Variants in IFIH1 observed in about 807,000 individuals in gnomAD.
IFIH1 encodes interferon induced with helicase C domain 1.
In IFIH1, 125 loss-of-function variants were observed where a neutral mutation model predicts 107.4. That is an observed-to-expected ratio of 1.16 (90% CI 1.01 to 1.35). The LOEUF (loss-of-function observed/expected upper bound fraction) is 1.35, where lower values mean the gene tolerates loss of function less well. Ranked by LOEUF, IFIH1 falls within the 40% of genes most tolerant of loss-of-function variation. The probability of loss-of-function intolerance (pLI) is 0.00; values close to 1 mark genes in which losing one functional copy is unlikely to be tolerated. For missense variants in IFIH1, 1,333 were observed against 1,213.7 expected, an observed-to-expected ratio of 1.10 and a Z score of -1.46; for synonymous variants, 458 against 413.2, an observed-to-expected ratio of 1.11 and a Z score of -1.31.
chr2:162,284,767 A>G (rs1454306276), intron 5 of IFIH1, among the ~76,000 whole-genome samples: 4 of 152,048 alleles, frequency 2.6e-5, no homozygotes, highest in Non-Finnish European at 2.9e-5. Context: ...TATTATCAAC[A>G]TATATCTCTC....
chr2:162,306,669 T>A, intron 3 of IFIH1, 40 bp downstream of exon 3: 1 of 1,574,070 alleles, frequency 6.4e-7, no homozygotes, highest in South Asian at 1.1e-5. Flanking sequence ...TTTCTGGAAG[T>A]AGTAATTACT....
In IFIH1 at chr2:162,268,140, T is replaced by C; in HGVS notation, c.2754A>G (p.Glu918=). ...GCATTTTCTCAATTACATGGATATC[T>C]TCCCCAGAACAGGCTAGCACACTGC... The part of the protein sequence containing the change: ...KNCSVLACSG[E]DIHVIEKMHH... Residue 918 remains glutamate (E), a synonymous_variant, in exon 14 of 16, where the codon GAA becomes GAG. Coordinates refer to ENST00000649979, the MANE Select transcript of IFIH1 (RefSeq NM_022168.4). The C allele has an allele frequency of 1.9e-6, 3 of 1,611,886 alleles. No homozygotes were observed. In the African/African-American group the frequency reaches 4.0e-5, roughly 21 times the overall value.
chr2:162,313,721 TA>T (rs1180509110), intron 1 of IFIH1, among the ~76,000 whole-genome samples: 1 of 152,182 alleles, frequency 6.6e-6, no homozygotes, highest in Admixed American at 6.5e-5. Flanking sequence ...ACCTGTATGT[TA>T]AAAAAGAATT....
chr2:162,276,823 A>T lies in IFIH1; in HGVS notation c.2168T>A (p.Ile723Asn). The change falls in exon 11 of 16, where the codon ATC becomes AAC. Residue 723 changes from isoleucine (I) to asparagine (N), a missense_variant. Physicochemically the swap from Ile to Asn is moderately radical, Grantham distance 149. Transcript: ENST00000649979. The stretch of plus-strand genomic sequence containing the variant: ...TGCACTCTGTCGTGTTTTTGTAAAG[A>T]TTATTCCTCGTGCTGATTCCTCAGT... Reference protein sequence around the residue: ...TRTEESARGIIFTKTRQSAYA... With the variant: ...TRTEESARGINFTKTRQSAYA... 1 of 1,613,994 alleles carries T rather than the reference A, an allele frequency of 6.2e-7. No individual in the cohort carries two copies. Among genetic ancestry groups the T allele is most frequent in the Non-Finnish European group, 8.5e-7 (1 of 1,179,916 alleles).
chr2:162,291,551 G>A (rs1682997484), intron 4 of IFIH1, among the ~76,000 whole-genome samples: 2 of 151,374 alleles, frequency 1.3e-5, no homozygotes, highest in South Asian at 2.1e-4. Flanking sequence ...TAAAAGTACC[G>A]GTAATCATGT....
chr2:162,314,383 C>T (rs1229190770), intron 1 of IFIH1, among the ~76,000 whole-genome samples: 1 of 48,880 alleles, frequency 2.0e-5, no homozygotes, highest in East Asian at 7.7e-4. Context: ...TCCCTCCCTC[C>T]CTCCCTCCCT....
chr2:162,310,301 A>G (rs530642667), intron 2 of IFIH1: 7 of 166,940 alleles, frequency 4.2e-5, no homozygotes, highest in Admixed American at 1.9e-4. Context: ...TGTTATTACT[A>G]TTATTGAATG....
intron 13 of IFIH1, among the ~76,000 whole-genome samples, chr2:162,269,591 C>T (rs147404839): frequency 5.0e-4 from 76 of 152,290 alleles, no homozygotes; most frequent in East Asian, 3.7e-3. Context: ...CACAACTTCA[C>T]GGTAGAAAAA....
chr2:162,294,940 T>C (rs1027999863), intron 3 of IFIH1, among the ~76,000 whole-genome samples: 1 of 151,934 alleles, frequency 6.6e-6, no homozygotes, highest in African/African-American at 2.4e-5. Context: ...GATATACAAC[T>C]CAAAACTGCA....
At chr2:162,307,410 C>T (rs375188344) in intron 2 of IFIH1, among the ~76,000 whole-genome samples, 41 of 152,260 alleles carry the variant, frequency 2.7e-4, no homozygotes, top group South Asian at 1.9e-3. Flanking sequence ...GTGTTCTGCA[C>T]GAGACGTACA....
At chr2:162,282,661 G>A in intron 5 of IFIH1, 85 bp from the exon 6 acceptor site, 1 of 788,036 alleles carries the variant, frequency 1.3e-6, no homozygotes. Context: ...TTGGCATCCA[G>A]CATGAAAAGA....
intron 5 of IFIH1, among the ~76,000 whole-genome samples, chr2:162,287,443 T>C (rs558152272): frequency 6.6e-6 from 1 of 151,990 alleles, no homozygotes; most frequent in Admixed American, 6.6e-5. Flanking sequence ...CTCAAATGAC[T>C]AGATTTTGTT....
chr2:162,308,790 T>C (rs1352543797), intron 2 of IFIH1, among the ~76,000 whole-genome samples: 1 of 152,232 alleles, frequency 6.6e-6, no homozygotes, highest in African/African-American at 2.4e-5. Context: ...CATTTTACCA[T>C]TGGCTTCCCA....
At chr2:162,310,058 C>T (rs1265874223) in intron 2 of IFIH1, 2 of 152,252 alleles carry the variant, frequency 1.3e-5, no homozygotes, top group African/African-American at 2.4e-5. Context: ...AAAGCCACTT[C>T]CACACGTTTA....
intron 3 of IFIH1, among the ~76,000 whole-genome samples, chr2:162,301,835 G>T (rs775423528): frequency 6.6e-6 from 1 of 152,068 alleles, no homozygotes; most frequent in African/African-American, 2.4e-5. Flanking sequence ...GTTATAAGAC[G>T]ACCAGTGACT....
Position 162,268,166 on chromosome 2 carries a change from A to G in IFIH1, c.2728T>C (p.Cys910Arg). Residue 910 changes from cysteine (C) to arginine (R), a missense_variant, in exon 14 of 16, where the codon TGC becomes CGC. Cys to Arg is a radical substitution (Grantham distance 180, BLOSUM62 -3). Transcript: ENST00000649979. ...TCCCCAGAACAGGCTAGCACACTGCAGTTTTTGCAAAGGAAAGTTATTAGT... is the reference window on the plus strand; with the variant it reads ...TCCCCAGAACAGGCTAGCACACTGCGGTTTTTGCAAAGGAAAGTTATTAGT... ...PSLITFLCKN[C>R]SVLACSGEDI... 4 of 1,613,806 alleles carry G rather than the reference A, an allele frequency of 2.5e-6. No individual in the cohort carries two copies. Among genetic ancestry groups the G allele is most frequent in the Non-Finnish European group, 3.4e-6 (4 of 1,179,744 alleles).
intron 13 of IFIH1, 152 bp downstream of exon 13, chr2:162,272,074 C>T (rs2105191520): frequency 4.6e-6 from 3 of 654,684 alleles, no homozygotes; most frequent in Non-Finnish European, 5.4e-6. Context: ...TCTTGATTCT[C>T]TGCATGTGAA....
At chr2:162,304,914 G>C (rs930938379) in intron 3 of IFIH1, among the ~76,000 whole-genome samples, 2 of 152,128 alleles carry the variant, frequency 1.3e-5, no homozygotes, top group African/African-American at 4.8e-5. Context: ...TGTTAAAATA[G>C]TATAAATCAT....
intron 8 of IFIH1, among the ~76,000 whole-genome samples, chr2:162,278,675 T>C (rs960608727): frequency 6.6e-6 from 1 of 152,182 alleles, no homozygotes; most frequent in African/African-American, 2.4e-5. Context: ...GCTTACAGTG[T>C]AATTTAAGAA....
Sources: gnomAD v4.1 joint callset for allele counts (sites outside exome capture counted in the v4.1 genomes callset) on GRCh38, gnomAD v4.1.1 for gene constraint, MANE v1.5 for transcripts, NCBI Gene and HGNC (gene_info 2026-07-23, HGNC 2026-07-21) for gene names.